Variants in NCALD observed in about 807,000 individuals in gnomAD.
The protein encoded by NCALD is neurocalcin delta.
In NCALD, 10 loss-of-function variants were observed where a neutral mutation model predicts 18.6. The observed-to-expected ratio is 0.54, with a 90% confidence interval of 0.33 to 0.91. NCALD has a LOEUF of 0.91. Ranked by LOEUF, NCALD falls within the 40% of genes least tolerant of loss-of-function variation. The pLI is 0.03. For missense variants in NCALD, 184 were observed against 247.6 expected (o/e 0.74, Z 1.72); for synonymous variants, 88 against 87.4 (o/e 1.01, Z -0.04).
At chr8:102,089,811 GAAATTCTGTGTGTGAACT>G (rs1184700314) in intron 1 of NCALD, among the ~76,000 whole-genome samples, 1 of 152,194 alleles carries the variant, frequency 6.6e-6, no homozygotes, top group African/African-American at 2.4e-5. Flanking sequence ...TCTCATAAAG[GAAATTCTGTGTGTGAACT>G]AAATTCTGTG....
intron 2 of NCALD, among the ~76,000 whole-genome samples, chr8:102,003,237 G>T (rs1052665282): frequency 5.3e-5 from 8 of 152,274 alleles, no homozygotes; most frequent in African/African-American, 1.9e-4. Flanking sequence ...TACCATCAGA[G>T]AATACTATAA....
At chr8:102,112,013 C>T (rs1407477360) in intron 1 of NCALD, among the ~76,000 whole-genome samples, 1 of 152,132 alleles carries the variant, frequency 6.6e-6, no homozygotes, top group Admixed American at 6.5e-5. Flanking sequence ...GGATGTTCAC[C>T]ACTGAAAGAA....
At chr8:102,044,063 C>T (rs1034605170) in intron 1 of NCALD, among the ~76,000 whole-genome samples, 2 of 151,960 alleles carry the variant, frequency 1.3e-5, no homozygotes, top group Non-Finnish European at 2.9e-5. Flanking sequence ...GAAATTTTAA[C>T]ATATGTTCAC....
intron 4 of NCALD, among the ~76,000 whole-genome samples, chr8:101,846,048 T>C (rs1293986420): frequency 3.3e-5 from 5 of 152,240 alleles, no homozygotes; most frequent in Non-Finnish European, 7.3e-5. Flanking sequence ...ATTGTGTATA[T>C]ATACATTTTC....
intron 2 of NCALD, among the ~76,000 whole-genome samples, chr8:101,928,951 C>G (rs1308137283): frequency 6.6e-6 from 1 of 151,620 alleles, no homozygotes; most frequent in Non-Finnish European, 1.5e-5. Flanking sequence ...TCAGGGGAGG[C>G]GAGGGGTGAG....
chr8:101,789,582 T>C (rs1306207280), intron 1 of NCALD, among the ~76,000 whole-genome samples: 2 of 152,164 alleles, frequency 1.3e-5, no homozygotes, highest in African/African-American at 4.8e-5. Context: ...ACATAAAAAT[T>C]AAAACAATAT....
At chr8:101,741,038 A>G (rs1470788397) in intron 1 of NCALD, among the ~76,000 whole-genome samples, 2 of 152,240 alleles carry the variant, frequency 1.3e-5, no homozygotes, top group Non-Finnish European at 2.9e-5. Flanking sequence ...AGTTGTTCAA[A>G]ATAGCTTGTA....
chr8:101,746,454 A>G (rs1483584224), intron 1 of NCALD, among the ~76,000 whole-genome samples: 1 of 121,712 alleles, frequency 8.2e-6, no homozygotes, highest in Non-Finnish European at 1.5e-5. Context: ...TATGATACAT[A>G]TATATATATA....
chr8:101,931,039 CTG>C (rs1459734355), intron 2 of NCALD, among the ~76,000 whole-genome samples: 1 of 152,188 alleles, frequency 6.6e-6, no homozygotes, highest in Non-Finnish European at 1.5e-5. Context: ...GAGGCGAAAG[CTG>C]TGTCACCAGC....
chr8:101,862,336 C>T (rs1815576649), intron 4 of NCALD, among the ~76,000 whole-genome samples: 1 of 152,180 alleles, frequency 6.6e-6, no homozygotes, highest in African/African-American at 2.4e-5. Context: ...TTTTCTAGGA[C>T]TTACAGGATT....
In NCALD at chr8:101,689,939, G is replaced by A. The variant is rs944390984; in HGVS notation, c.485-533C>T. The stretch of plus-strand genomic sequence containing the variant: ...CTATCTTGGGGAAGAAGCCGTGGAC[G>A]TAAGTGTTTGTTCATACACCACGGG... On this transcript the variant is annotated intron_variant, in intron 3 of 3. Transcript: ENST00000220931. This position sits in a 1 kb window ranked among gnomAD's most constrained non-coding sequence, Gnocchi z 4.4. Among the ~76,000 whole-genome samples the A allele has an allele frequency of 1.3e-5, 2 of 152,178 alleles. No individual in the cohort carries two copies. Among genetic ancestry groups the A allele is most frequent in the African/African-American group, 4.8e-5 (2 of 41,434 alleles).
chr8:101,710,467 C>G (rs190437057), intron 2 of NCALD, among the ~76,000 whole-genome samples: 2 of 152,232 alleles, frequency 1.3e-5, no homozygotes, highest in Admixed American at 1.3e-4. Flanking sequence ...AGTGGTCTTG[C>G]TCAGTGGGTC....
chr8:101,749,056 A>T (rs1810544844), intron 1 of NCALD, among the ~76,000 whole-genome samples: 1 of 152,200 alleles, frequency 6.6e-6, no homozygotes, highest in African/African-American at 2.4e-5. Flanking sequence ...TGTCAGTTTC[A>T]TGAGTTTAAT....
At chr8:101,761,893 G>T (rs1197181546) in intron 1 of NCALD, among the ~76,000 whole-genome samples, 1 of 152,128 alleles carries the variant, frequency 6.6e-6, no homozygotes, top group East Asian at 1.9e-4. Context: ...CTCTTCCCCC[G>T]TTTCGGGGCC....
At chr8:101,901,551 CTTA>C (rs1817423052) in intron 3 of NCALD, among the ~76,000 whole-genome samples, 1 of 151,854 alleles carries the variant, frequency 6.6e-6, no homozygotes, top group South Asian at 2.1e-4. Context: ...GGTTGCTCTC[CTTA>C]TTATAATAAA....
chr8:101,870,636 T>G (rs1815967559), intron 4 of NCALD, among the ~76,000 whole-genome samples: 1 of 152,172 alleles, frequency 6.6e-6, no homozygotes, highest in Non-Finnish European at 1.5e-5. Flanking sequence ...CTGCTGCTGC[T>G]GAGACTCATG....
At chr8:101,782,974 C>T (rs1812077763) in intron 1 of NCALD, among the ~76,000 whole-genome samples, 1 of 152,136 alleles carries the variant, frequency 6.6e-6, no homozygotes, top group Admixed American at 6.5e-5. Context: ...ATTACTCATG[C>T]AGTATCCTAC....
At chr8:101,922,578 A>T (rs765974254) in intron 2 of NCALD, among the ~76,000 whole-genome samples, 22 of 152,212 alleles carry the variant, frequency 1.4e-4, no homozygotes, top group Non-Finnish European at 2.6e-4. Context: ...ATTAAAATAT[A>T]TATGTAAACA....
At chr8:102,011,533 A>C (rs1821903447) in intron 2 of NCALD, among the ~76,000 whole-genome samples, 1 of 152,206 alleles carries the variant, frequency 6.6e-6, no homozygotes, top group African/African-American at 2.4e-5. Flanking sequence ...TAAATCTTTG[A>C]TGCAATGAAT....
Sources: gnomAD v4.1 joint callset for allele counts (sites outside exome capture counted in the v4.1 genomes callset) on GRCh38, gnomAD v4.1.1 for gene constraint, Gnocchi (gnomAD v3.1) non-coding constraint, MANE v1.5 for transcripts, NCBI Gene and HGNC (gene_info 2026-07-23, HGNC 2026-07-21) for gene names.